The following CETN3 variants were observed in gnomAD, a reference collection of about 807,000 sequenced individuals.
CETN3 encodes the protein centrin-3.
In CETN3, 17 loss-of-function variants were observed where a neutral mutation model predicts 20.1. The ratio of observed to expected loss-of-function variants is 0.85; its 90% CI spans 0.58 to 1.27. The LOEUF is 1.27. Ranked by LOEUF, CETN3 falls within the 50% of genes most tolerant of loss-of-function variation. The probability of loss-of-function intolerance (pLI) is 0.00; values close to 1 mark genes in which losing one functional copy is unlikely to be tolerated. For missense variants in CETN3, 169 were observed against 191.2 expected (o/e 0.88, Z 0.69); for synonymous variants, 52 against 59.7 (o/e 0.87, Z 0.59).
intron 4 of CETN3, among the ~76,000 whole-genome samples, chr5:90,397,445 T>C (rs1327587453): frequency 6.6e-6 from 1 of 152,086 alleles, no homozygotes; most frequent in Admixed American, 6.6e-5. Context: ...TTTAACAAAA[T>C]TTTTCATACA....
chr5:90,409,638 T>G lies in CETN3; in HGVS notation c.17+7A>C, dbSNP rs779926691. 96 of 1,613,914 alleles carry G rather than the reference T, an allele frequency of 5.9e-5. No homozygotes were observed. The highest frequency in any genetic ancestry group is 6.6e-5 in the Non-Finnish European group (78 of 1,180,006). ...GTGGAGAGCACTGCCGCCTCCTTATTACCGACCTCAGAGCTAAACTCATTA... is the reference window on the plus strand; with the variant it reads ...GTGGAGAGCACTGCCGCCTCCTTATGACCGACCTCAGAGCTAAACTCATTA... On this transcript the variant is annotated splice_region_variant and intron_variant, in intron 1 of 4. Transcript: ENST00000283122.
intron 1 of CETN3, among the ~76,000 whole-genome samples, chr5:90,408,598 G>A (rs1749529964): frequency 6.6e-6 from 1 of 152,068 alleles, no homozygotes; most frequent in Admixed American, 6.6e-5. Context: ...AAGAAAAAAA[G>A]CAAAAATTAT....
At chr5:90,408,937 T>A (rs1749543842) in intron 1 of CETN3, among the ~76,000 whole-genome samples, 1 of 152,086 alleles carries the variant, frequency 6.6e-6, no homozygotes, top group Non-Finnish European at 1.5e-5. Flanking sequence ...CTGAGACTTT[T>A]GGAGGCCAAG....
At chr5:90,407,300 C>G (rs1449092725) in intron 2 of CETN3, among the ~76,000 whole-genome samples, 1 of 151,842 alleles carries the variant, frequency 6.6e-6, no homozygotes, top group Non-Finnish European at 1.5e-5. Flanking sequence ...ACTAACAAAT[C>G]CAAATTATAA....
At chr5:90,403,614 G>A (rs959796137) in intron 3 of CETN3, among the ~76,000 whole-genome samples, 2 of 152,076 alleles carry the variant, frequency 1.3e-5, no homozygotes, top group African/African-American at 4.8e-5. Flanking sequence ...GCTCACGCCT[G>A]TAATCCCAGC....
intron 4 of CETN3, 84 bp downstream of exon 4, chr5:90,399,274 C>A: frequency 8.0e-7 from 1 of 1,257,386 alleles, no homozygotes; most frequent in Non-Finnish European, 1.1e-6. Flanking sequence ...ACAAAAAAGT[C>A]TTGCAAGTCA....
At chr5:90,403,284 G>C (rs1053414802) in intron 3 of CETN3, among the ~76,000 whole-genome samples, 5 of 152,160 alleles carry the variant, frequency 3.3e-5, no homozygotes, top group Non-Finnish European at 7.3e-5. Flanking sequence ...TCTGTGGTCA[G>C]TGATTAGTTA....
chr5:90,394,143 T>A, intron 4 of CETN3, 36 bp from the exon 5 acceptor site: 1 of 1,389,566 alleles, frequency 7.2e-7, no homozygotes, highest in Non-Finnish European at 1.0e-6. Flanking sequence ...GTCAGAAATA[T>A]AAACATTTTA....
At position 90,393,995 on chromosome 5, in the gene CETN3, G is replaced by A. The variant is rs1749078080; in HGVS notation, c.*69C>T. On this transcript the variant is annotated 3_prime_UTR_variant, in exon 5 of 5. Coordinates refer to ENST00000283122, the MANE Select transcript of CETN3 (RefSeq NM_004365.4). Reference sequence around the variant, plus strand: ...AGAACTAAGTTGGTTTTTTTCACATGGCTCCAGGCACAAAAATAGAATATA... The same window carrying A: ...AGAACTAAGTTGGTTTTTTTCACATAGCTCCAGGCACAAAAATAGAATATA... 5.4e-6 allele frequency: 6 copies of A among 1,106,490 alleles called. No homozygotes were observed. Among genetic ancestry groups the A allele is most frequent in the Middle Eastern group, 2.0e-4 (1 of 5,058 alleles). 68.5% of individuals were successfully genotyped at this position (1,106,490 alleles called of 1,614,324 possible).
chr5:90,405,758 A>G lies in CETN3; in HGVS notation c.195T>C (p.Asp65=). The G allele has an allele frequency of 6.2e-7, 1 of 1,612,282 alleles. No individual in the cohort carries two copies. Among genetic ancestry groups the G allele is most frequent in the South Asian group, 1.1e-5 (1 of 90,546 alleles). ...CATAATCTTTAAGAATCTTCAGTAC[A>G]TCAGCTTTTTTTACATCAAACCCCA... ...RALGFDVKKA[D]VLKILKDYDR... is the part of the protein sequence containing the mutation. The change falls in exon 3 of 5, where the codon GAT becomes GAC. Residue 65 remains aspartate, a synonymous_variant. Coordinates refer to ENST00000283122, the MANE Select transcript of CETN3 (RefSeq NM_004365.4).
intron 2 of CETN3, 41 bp downstream of exon 2, chr5:90,407,658 C>A: frequency 1.5e-6 from 2 of 1,299,824 alleles, no homozygotes; most frequent in South Asian, 3.9e-5. Flanking sequence ...AAATGCAAAT[C>A]ATTTTAACAC....
chr5:90,396,412 A>G, intron 4 of CETN3: 1 of 1,460,896 alleles, frequency 6.8e-7, no homozygotes, highest in Non-Finnish European at 9.0e-7. Flanking sequence ...TGAATATCTT[A>G]GGAAAGCTAT....
At chr5:90,403,731 C>A (rs933102985) in intron 3 of CETN3, among the ~76,000 whole-genome samples, 2 of 150,098 alleles carry the variant, frequency 1.3e-5, no homozygotes, top group African/African-American at 4.9e-5. Context: ...ATTAGCCGGG[C>A]GTAGTGGCGG....
intron 3 of CETN3, among the ~76,000 whole-genome samples, chr5:90,403,239 T>G (rs969785609): frequency 1.3e-5 from 2 of 152,208 alleles, no homozygotes; most frequent in Admixed American, 1.3e-4. Flanking sequence ...TGTTATGATT[T>G]AGAATCATCT....
chr5:90,396,554 G>A (rs1202378999), intron 4 of CETN3: 4 of 1,532,494 alleles, frequency 2.6e-6, no homozygotes, highest in Non-Finnish European at 3.5e-6. Flanking sequence ...GCAAGAGTAT[G>A]TTCTTAAGAA....
intron 4 of CETN3, among the ~76,000 whole-genome samples, chr5:90,395,554 G>C (rs1339907240): frequency 6.6e-6 from 1 of 152,056 alleles, no homozygotes; most frequent in Non-Finnish European, 1.5e-5. Context: ...GGCTGGTCTT[G>C]AACTCCTGGG....
intron 1 of CETN3, among the ~76,000 whole-genome samples, chr5:90,408,055 A>G (rs182589304): frequency 1.1e-4 from 17 of 152,308 alleles, no homozygotes; most frequent in Admixed American, 8.5e-4. Context: ...AAAAGAAATG[A>G]GGACCAAACT....
chr5:90,409,078 G>C (rs1173904165), intron 1 of CETN3, among the ~76,000 whole-genome samples: 2 of 152,174 alleles, frequency 1.3e-5, no homozygotes, highest in Admixed American at 1.3e-4. Context: ...GTGGGAGAGG[G>C]CAACAGAGGG....
At chr5:90,407,882 C>A in intron 1 of CETN3, 48 bp from the exon 2 acceptor site, 1 of 1,437,624 alleles carries the variant, frequency 7.0e-7, no homozygotes, top group African/African-American at 1.4e-5. Context: ...ATTCTCTTTA[C>A]TAACAGAAAT....
Sources: allele counts gnomAD v4.1 joint callset (sites outside exome capture counted in the v4.1 genomes callset), GRCh38; gene constraint gnomAD v4.1.1; transcripts MANE v1.5; gene names NCBI Gene and HGNC (gene_info 2026-07-23, HGNC 2026-07-21).